The following WDR70 variants were observed in gnomAD, a reference collection of about 807,000 sequenced individuals.
WDR70 encodes WD repeat domain 70, also known as WD repeat-containing protein 70.
In WDR70, 53 loss-of-function variants were observed where a neutral mutation model predicts 88.6. That is an observed-to-expected ratio of 0.60 (90% CI 0.48 to 0.75). The LOEUF is 0.75. Ranked by LOEUF, WDR70 falls within the 30% of genes least tolerant of loss-of-function variation. The pLI is 0.00. For missense variants in WDR70, 610 were observed against 823.2 expected, an observed-to-expected ratio of 0.74 and a Z score of 3.17; for synonymous variants, 280 against 270.0, an observed-to-expected ratio of 1.04 and a Z score of -0.36.
intron 17 of WDR70, among the ~76,000 whole-genome samples, chr5:37,750,201 A>G (rs1212546381): frequency 6.6e-6 from 1 of 151,892 alleles, no homozygotes; most frequent in Non-Finnish European, 1.5e-5. Context: ...TTAGCCATCA[A>G]CCTCCTACGG....
chr5:37,461,338 C>G (rs1738997931), intron 7 of WDR70, among the ~76,000 whole-genome samples: 1 of 152,106 alleles, frequency 6.6e-6, no homozygotes, highest in African/African-American at 2.4e-5. Flanking sequence ...TCTTGTATCT[C>G]CTTACCTTCT....
chr5:37,678,877 C>G (rs1247818878), intron 10 of WDR70, among the ~76,000 whole-genome samples: 2 of 152,256 alleles, frequency 1.3e-5, no homozygotes, highest in Middle Eastern at 3.4e-3. Flanking sequence ...ACCAATCAGA[C>G]GTAGATTTGG....
At chr5:37,720,720 CCAG>C (rs1747783702) in intron 13 of WDR70, among the ~76,000 whole-genome samples, 1 of 152,142 alleles carries the variant, frequency 6.6e-6, no homozygotes, top group Admixed American at 6.6e-5. Flanking sequence ...AATCTGCTGT[CCAG>C]AGGGACATAT....
chr5:37,660,769 G>A (rs1362023013), intron 10 of WDR70, among the ~76,000 whole-genome samples: 1 of 152,044 alleles, frequency 6.6e-6, no homozygotes, highest in Non-Finnish European at 1.5e-5. Flanking sequence ...GAAGCATGTA[G>A]ATCTGTGCTG....
intron 10 of WDR70, among the ~76,000 whole-genome samples, chr5:37,615,204 G>A (rs1744301211): frequency 6.6e-6 from 1 of 152,054 alleles, no homozygotes; most frequent in East Asian, 1.9e-4. Context: ...TCAGGGTCTA[G>A]TATTTGACTA....
intron 8 of WDR70, among the ~76,000 whole-genome samples, chr5:37,491,090 G>A (rs1442280652): frequency 6.6e-6 from 1 of 152,102 alleles, no homozygotes; most frequent in Non-Finnish European, 1.5e-5. Flanking sequence ...AGCTTGTCAG[G>A]GTTAAGGGAC....
intron 3 of WDR70, among the ~76,000 whole-genome samples, chr5:37,387,780 G>A (rs1242783520): frequency 1.3e-5 from 2 of 151,976 alleles, no homozygotes; most frequent in Non-Finnish European, 2.9e-5. Flanking sequence ...GGGAACCCTA[G>A]TTTCCTACCA....
intron 10 of WDR70, among the ~76,000 whole-genome samples, chr5:37,623,107 T>C (rs766918543): frequency 6.8e-4 from 104 of 152,146 alleles, no homozygotes; most frequent in Non-Finnish European, 1.3e-3. Flanking sequence ...CAATGCTAAA[T>C]CAAGACTTTC....
At chr5:37,391,499 A>G (rs532126432) in intron 3 of WDR70, among the ~76,000 whole-genome samples, 1 of 152,308 alleles carries the variant, frequency 6.6e-6, no homozygotes, top group South Asian at 2.1e-4. Context: ...TGTAAGTGGC[A>G]TTATACAATA....
chr5:37,641,127 CCT>C (rs1427349956), intron 10 of WDR70, among the ~76,000 whole-genome samples: 3 of 152,130 alleles, frequency 2.0e-5, no homozygotes, highest in Non-Finnish European at 2.9e-5. Context: ...CTTTTTTCCC[CCT>C]GACACAATTT....
chr5:37,484,339 G>A (rs995204363), intron 8 of WDR70, among the ~76,000 whole-genome samples: 17 of 152,230 alleles, frequency 1.1e-4, no homozygotes, highest in East Asian at 1.9e-4. Flanking sequence ...GATCACTTGC[G>A]GTTAGGAGCT....
chr5:37,576,027 T>C (rs1561908531), intron 9 of WDR70, among the ~76,000 whole-genome samples: 1 of 150,556 alleles, frequency 6.6e-6, no homozygotes, highest in Non-Finnish European at 1.5e-5. Flanking sequence ...AAAAAGCAGA[T>C]TTCCTTCCTT....
intron 10 of WDR70, among the ~76,000 whole-genome samples, chr5:37,696,381 AT>A (rs1232063343): frequency 6.6e-6 from 1 of 152,030 alleles, no homozygotes; most frequent in Non-Finnish European, 1.5e-5. Flanking sequence ...TCATTACTGG[AT>A]TTTTTTAGGT....
intron 10 of WDR70, among the ~76,000 whole-genome samples, chr5:37,646,654 G>A (rs1023001699): frequency 1.3e-5 from 2 of 152,198 alleles, no homozygotes; most frequent in South Asian, 2.1e-4. Context: ...GGGTAAAAGT[G>A]TTCTTCTTTC....
At chr5:37,440,372 G>A (rs1405407732) in intron 6 of WDR70, among the ~76,000 whole-genome samples, 1 of 151,764 alleles carries the variant, frequency 6.6e-6, no homozygotes, top group Non-Finnish European at 1.5e-5. Context: ...TTGAGACAAA[G>A]TCTTGCTCTG....
chr5:37,631,612 G>A (rs1744820760), intron 10 of WDR70, among the ~76,000 whole-genome samples: 1 of 152,130 alleles, frequency 6.6e-6, no homozygotes, highest in African/African-American at 2.4e-5. Flanking sequence ...ATTTACCTAA[G>A]GACATACAGT....
intron 9 of WDR70, among the ~76,000 whole-genome samples, chr5:37,536,321 T>C (rs1741666292): frequency 6.6e-6 from 1 of 152,204 alleles, no homozygotes; most frequent in African/African-American, 2.4e-5. Flanking sequence ...AATATATGGC[T>C]TTTGTTTTAA....
At chr5:37,389,389 C>T (rs577212619) in intron 3 of WDR70, among the ~76,000 whole-genome samples, 20 of 151,366 alleles carry the variant, frequency 1.3e-4, no homozygotes, top group South Asian at 4.2e-4. Context: ...CCATCACGCC[C>T]GGCTTCAGGC....
chr5:37,685,877 C>T (rs142712269), intron 10 of WDR70, among the ~76,000 whole-genome samples: 63 of 152,288 alleles, frequency 4.1e-4, no homozygotes, highest in African/African-American at 1.4e-3. Flanking sequence ...GTCCAGTGTG[C>T]TCTAACCCCA....
Sources: allele counts gnomAD v4.1 joint callset (sites outside exome capture counted in the v4.1 genomes callset), GRCh38; gene constraint gnomAD v4.1.1; transcripts MANE v1.5; gene names NCBI Gene and HGNC (gene_info 2026-07-23, HGNC 2026-07-21).